SKAP1: variants seen among roughly 807,000 people sequenced by gnomAD.
SKAP1 encodes src kinase associated phosphoprotein 1.
SKAP1 carries 44 observed loss-of-function variants against 58.5 expected under a neutral mutation model. The observed-to-expected ratio is 0.75, with a 90% CI of 0.59 to 0.97. The LOEUF is 0.97. Ranked by LOEUF, SKAP1 falls within the 50% of genes least tolerant of loss-of-function variation. The pLI is 0.00. For missense variants in SKAP1, 390 were observed against 435.2 expected, an observed-to-expected ratio of 0.90 and a Z score of 0.92; for synonymous variants, 127 against 149.7, an observed-to-expected ratio of 0.85 and a Z score of 1.11.
intron 1 of SKAP1, among the ~76,000 whole-genome samples, chr17:48,414,488 G>A (rs964594569): frequency 6.6e-6 from 1 of 152,102 alleles, no homozygotes; most frequent in Non-Finnish European, 1.5e-5. Context: ...TGGAGGGCAA[G>A]CTTGTAGCAA....
In SKAP1 at chr17:48,345,976, T is replaced by A. The variant is rs1315078152; in HGVS notation, c.209A>T (p.Asp70Val). Residue 70 changes from aspartate to valine, a missense_variant, in exon 4 of 13, where the codon GAT becomes GTT. By Grantham distance (152) the Asp-to-Val change is radical. Transcript: ENST00000336915. ...CAGGCCAAGAGTCCCGCTGTGATTATCATCAGAGCTGTCCTGTCCAATGTC... is the reference window on the plus strand; with the variant it reads ...CAGGCCAAGAGTCCCGCTGTGATTAACATCAGAGCTGTCCTGTCCAATGTC... ...GGDIGQDSSDDNHSGTLGLSL... is the reference protein window; with the variant it reads ...GGDIGQDSSDVNHSGTLGLSL... 6.2e-7 allele frequency: 1 copy of A among 1,613,474 alleles called. No individual in the cohort carries two copies. The highest frequency in any genetic ancestry group is 2.2e-5 in the East Asian group (1 of 44,832).
intron 11 of SKAP1, among the ~76,000 whole-genome samples, chr17:48,140,281 T>C (rs2063752541): frequency 6.6e-6 from 1 of 152,362 alleles, no homozygotes; most frequent in Admixed American, 6.5e-5. Flanking sequence ...GCTGGCACTA[T>C]TGGTCCTCCT....
At chr17:48,173,814 C>A (rs1170228325) in intron 9 of SKAP1, among the ~76,000 whole-genome samples, 1 of 152,190 alleles carries the variant, frequency 6.6e-6, no homozygotes, top group African/African-American at 2.4e-5. Context: ...TCCTTCCCAC[C>A]ACCATTAGAT....
In SKAP1 at chr17:48,359,277, C is replaced by T. The variant is rs1485858267; in HGVS notation, c.178+4512G>A. ...TTTACCCTGTTTCTTTCTCCTCTCC[C>T]ATATTATTTGTCAGACATTATATAT... On this transcript the variant is annotated intron_variant, in intron 3 of 12. Coordinates refer to ENST00000336915, the MANE Select transcript of SKAP1 (RefSeq NM_003726.4). Among the ~76,000 whole-genome samples the T allele has an allele frequency of 3.9e-5, 6 of 152,088 alleles. No homozygotes were observed. In the South Asian group the frequency reaches 1.2e-3, roughly 32 times the overall value.
chr17:48,369,527 T>C (rs894250746), intron 2 of SKAP1, among the ~76,000 whole-genome samples: 1 of 151,818 alleles, frequency 6.6e-6, no homozygotes, highest in Non-Finnish European at 1.5e-5. Context: ...AAATGAACTT[T>C]AGTTTGGAGA....
At position 48,421,749 on chromosome 17, in the gene SKAP1, G is replaced by A. The variant is rs1050396563; in HGVS notation, c.46+8326C>T. Among the ~76,000 whole-genome samples the A allele has an allele frequency of 3.3e-5, 5 of 152,034 alleles. No homozygotes were observed. The South Asian group carries it at 1.0e-3, about 32-fold the overall frequency. ...AACAAAATTTCAACTGAAACATCAG[G>A]GTAGAAAAATTATATGCCTGGGAAT... On this transcript the variant is annotated intron_variant, in intron 1 of 12. Coordinates refer to ENST00000336915, the MANE Select transcript of SKAP1 (RefSeq NM_003726.4).
chr17:48,188,027 T>C, intron 5 of SKAP1, 101 bp from the exon 6 acceptor site: 1 of 854,568 alleles, frequency 1.2e-6, no homozygotes, highest in Non-Finnish European at 1.9e-6. Flanking sequence ...ATTGTTTTAT[T>C]TCCCAGGTTA....
At chr17:48,230,767 G>A (rs1175413872) in intron 4 of SKAP1, among the ~76,000 whole-genome samples, 2 of 151,940 alleles carry the variant, frequency 1.3e-5, no homozygotes, top group African/African-American at 4.8e-5. Flanking sequence ...AAAAAAAATT[G>A]TTTTATGAGT....
At chr17:48,211,667 T>C (rs926240098) in intron 4 of SKAP1, among the ~76,000 whole-genome samples, 2 of 152,216 alleles carry the variant, frequency 1.3e-5, no homozygotes, top group Admixed American at 6.5e-5. Flanking sequence ...TAATCTCTCA[T>C]TTATCCATAA....
intron 7 of SKAP1, among the ~76,000 whole-genome samples, chr17:48,183,962 T>C (rs2064406409): frequency 6.6e-6 from 1 of 150,956 alleles, no homozygotes; most frequent in Admixed American, 6.6e-5. Flanking sequence ...TTAATAAAAT[T>C]GTGATAAGAT....
chr17:48,338,888 T>G (rs1308090430), intron 4 of SKAP1, among the ~76,000 whole-genome samples: 1 of 152,250 alleles, frequency 6.6e-6, no homozygotes, highest in Non-Finnish European at 1.5e-5. Flanking sequence ...ATAAACGACA[T>G]GATTTCTTAG....
intron 2 of SKAP1, among the ~76,000 whole-genome samples, chr17:48,381,618 A>G (rs2067215531): frequency 6.6e-6 from 1 of 152,248 alleles, no homozygotes; most frequent in African/African-American, 2.4e-5. Flanking sequence ...AAACCTTGCC[A>G]CAATATATCT....
intron 9 of SKAP1, among the ~76,000 whole-genome samples, chr17:48,176,429 TG>T (rs1273814587): frequency 6.6e-6 from 1 of 152,212 alleles, no homozygotes; most frequent in Non-Finnish European, 1.5e-5. Flanking sequence ...GGGCCTATGC[TG>T]GCCTGTAAAA....
intron 3 of SKAP1, among the ~76,000 whole-genome samples, chr17:48,352,255 C>G (rs8067953): frequency 0.33 from 50,614 of 151,816 alleles, 9,112 homozygotes; most frequent in African/African-American, 0.47. Context: ...ACAACCCACA[C>G]TTCATAAAGC....
intron 4 of SKAP1, 136 bp from the exon 5 acceptor site, chr17:48,189,636 T>G (rs1444939883): frequency 2.0e-5 from 12 of 599,292 alleles, no homozygotes; most frequent in Middle Eastern, 2.9e-4. Flanking sequence ...ATAAAACAAT[T>G]TCTGTATGAT....
At chr17:48,275,976 G>C (rs895295393) in intron 4 of SKAP1, among the ~76,000 whole-genome samples, 6 of 152,170 alleles carry the variant, frequency 3.9e-5, no homozygotes, top group African/African-American at 1.2e-4. Context: ...TGAAGGGGAT[G>C]AGAGAGTTTA....
chr17:48,327,501 T>A (rs4794613), intron 4 of SKAP1, among the ~76,000 whole-genome samples: 130,208 of 152,270 alleles, frequency 0.86, 56,065 homozygotes, highest in Non-Finnish European at 0.89. Flanking sequence ...ATTATGTTTT[T>A]AAAATCTCTT....
chr17:48,134,175 T>C (rs1329480386), intron 12 of SKAP1, among the ~76,000 whole-genome samples: 1 of 152,210 alleles, frequency 6.6e-6, no homozygotes, highest in Non-Finnish European at 1.5e-5. Flanking sequence ...ATTTGACTAG[T>C]TCTCTGTTAA....
chr17:48,252,771 T>TA (rs1483306157), intron 4 of SKAP1, among the ~76,000 whole-genome samples: 3 of 150,780 alleles, frequency 2.0e-5, no homozygotes, highest in Admixed American at 6.6e-5. Flanking sequence ...CTCATGTGTG[T>TA]ACAGATCCAG....
Sources: allele counts gnomAD v4.1 joint callset (sites outside exome capture counted in the v4.1 genomes callset), GRCh38; gene constraint gnomAD v4.1.1; transcripts MANE v1.5; gene names NCBI Gene and HGNC (gene_info 2026-07-23, HGNC 2026-07-21).